The following FAM174B variants were observed in gnomAD, a reference collection of about 807,000 sequenced individuals.
FAM174B encodes membrane protein FAM174B.
Under a neutral mutation model 10.9 loss-of-function variants are expected in FAM174B, and 12 were observed. That is an observed-to-expected ratio of 1.10 (90% CI 0.71 to 1.79). The LOEUF (loss-of-function observed/expected upper bound fraction) is 1.79. Ranked by LOEUF, FAM174B falls within the 40% of genes most tolerant of loss-of-function variation. The pLI, the probability that FAM174B is intolerant of heterozygous loss-of-function variation, is 0.00. For missense variants in FAM174B, 266 were observed against 233.3 expected (o/e 1.14, Z -0.91); for synonymous variants, 132 against 115.8 (o/e 1.14, Z -0.90).
chr15:92,624,758 C>G (rs11074084), intron 2 of FAM174B, among the ~76,000 whole-genome samples: 82,190 of 152,122 alleles, frequency 0.54, 22,248 homozygotes, highest in Admixed American at 0.56. Context: ...CATAAGAAGC[C>G]GGGACAGGGA....
rs554481338 is a variant in FAM174B at position 92,652,809 on chromosome 15, G to A, written c.344+2507C>T. On this transcript the variant is annotated intron_variant, in intron 1 of 2. Transcript: ENST00000327355. ...TGCCCGCAGGCTAAGGAGTTGCAGA[G>A]GGAGAAAGGAAGGAGGGCCCCCAGC... is the stretch of plus-strand genomic sequence containing the variant. Among the ~76,000 whole-genome samples, 17 of 152,248 alleles carry A rather than the reference G, an allele frequency of 1.1e-4. No homozygotes were observed. In the South Asian group the frequency reaches 3.3e-3, roughly 30 times the overall value.
At chr15:92,631,160 TTATATAATAATTTATATATTATATTA>T (rs2050797605) in intron 1 of FAM174B, among the ~76,000 whole-genome samples, 1 of 30,418 alleles carries the variant, frequency 3.3e-5, no homozygotes, top group African/African-American at 8.2e-5. Flanking sequence ...ATATTATATA[TTATATAATAATTTATATATTATATTA>T]TATATTATAT....
intron 1 of FAM174B, 36 bp downstream of exon 1, chr15:92,655,280 G>A (rs984082456): frequency 2.7e-6 from 4 of 1,498,708 alleles, no homozygotes; most frequent in Admixed American, 2.1e-5. Flanking sequence ...CCGCCCTGTC[G>A]GCCGGCGGGG....
chr15:92,636,876 C>T lies in FAM174B; in HGVS notation c.345-6531G>A, dbSNP rs1003765888. Among the ~76,000 whole-genome samples the T allele has an allele frequency of 4.6e-4, 70 of 152,370 alleles. 1 individual carries two copies. The highest frequency in any genetic ancestry group is 1.7e-3 in the African/African-American group (69 of 41,586). ...AGCGCCAAAAAACTCTTTGCCCTCC[C>T]TCATCACACTCTGGAATGTGTCACT... On this transcript the variant is annotated intron_variant, in intron 1 of 2. Coordinates refer to ENST00000327355, the MANE Select transcript of FAM174B (RefSeq NM_207446.3).
intron 1 of FAM174B, among the ~76,000 whole-genome samples, chr15:92,644,086 TC>T (rs1167897531): frequency 6.6e-6 from 1 of 151,402 alleles, no homozygotes; most frequent in Non-Finnish European, 1.5e-5. Context: ...TAACAGAGCT[TC>T]CCCCAGAAAA....
intron 1 of FAM174B, among the ~76,000 whole-genome samples, chr15:92,633,185 A>G (rs1375263680): frequency 2.6e-5 from 4 of 152,190 alleles, no homozygotes; most frequent in Admixed American, 6.6e-5. Context: ...ACCATACGCT[A>G]TTCCCGAGTG....
At chr15:92,619,520 C>G (rs979710852) in intron 2 of FAM174B, 61 bp from the exon 3 acceptor site, 1 of 1,583,448 alleles carries the variant, frequency 6.3e-7, no homozygotes, top group South Asian at 1.2e-5. Context: ...CCCATTCTGA[C>G]CCCTCCTGAA....
At chr15:92,639,992 G>C (rs530962326) in intron 1 of FAM174B, among the ~76,000 whole-genome samples, 2 of 152,068 alleles carry the variant, frequency 1.3e-5, no homozygotes, top group East Asian at 3.9e-4. Context: ...TAGCAGAATA[G>C]AAAGTCCAGA....
chr15:92,630,226 T>C lies in FAM174B; in HGVS notation c.464A>G (p.Asp155Gly), dbSNP rs374809870. 14 of 1,613,702 alleles carry C rather than the reference T, an allele frequency of 8.7e-6. No homozygotes were observed. Among genetic ancestry groups the C allele is most frequent in the Non-Finnish European group, 1.1e-5 (13 of 1,179,826 alleles). The change falls in exon 2 of 3, where the codon GAC (aspartate) becomes GGC (glycine). Residue 155 changes from aspartate (D) to glycine (G), a missense_variant. Asp to Gly is a moderately conservative substitution (Grantham distance 94, BLOSUM62 -1). Transcript: ENST00000327355. ...CTCCACCCTGTACCTGTATTTGATG[T>C]CGAATACTGTGGAGTCCTCATCTTC... is the stretch of plus-strand genomic sequence containing the variant. ...DDEDEDSTVF[D>G]IKYR is the part of the protein sequence containing the mutation.
In FAM174B at chr15:92,619,018, C is replaced by CTCGGTGGTCG; in HGVS notation, c.*437_*438insCGACCACCGA. Reference sequence around the variant, plus strand: ...ATCAGATGGGGTCCAATGTGTAGATCCAGTAGAGAAGAATGTCGGAAATTC... The same window carrying CTCGGTGGTCG: ...ATCAGATGGGGTCCAATGTGTAGATCTCGGTGGTCGCAGTAGAGAAGAATGTCGGAAATTC... On this transcript the variant is annotated 3_prime_UTR_variant, in exon 3 of 3. Transcript: ENST00000327355. 1.0e-5 allele frequency: 6 copies of CTCGGTGGTCG among 595,198 alleles called. No individual in the cohort carries two copies. The highest frequency in any genetic ancestry group is 6.2e-5 in the South Asian group (3 of 48,012). The allele number at this position is 595,198 out of a possible 1,614,324, so 36.9% of individuals were successfully genotyped here. A position where few individuals can be genotyped will look rare whatever the true frequency, so the allele number is the denominator to read the frequency against.
At chr15:92,647,357 T>C (rs186204829) in intron 1 of FAM174B, among the ~76,000 whole-genome samples, 3 of 152,290 alleles carry the variant, frequency 2.0e-5, no homozygotes, top group Admixed American at 2.0e-4. Context: ...TACCTAGCAT[T>C]GCTTTTAATA....
intron 1 of FAM174B, among the ~76,000 whole-genome samples, chr15:92,647,019 A>G (rs555031068): frequency 3.9e-4 from 60 of 152,352 alleles, no homozygotes; most frequent in African/African-American, 1.2e-3. Context: ...TTGGCTCAGA[A>G]TAAATCTCTT....
rs1248279507 is a variant in FAM174B, at chr15:92,617,886, T to C, written c.*1570A>G. The C allele has an allele frequency of 2.4e-5, 11 of 450,496 alleles. No homozygotes were observed. The East Asian group carries it at 3.6e-4, about 15-fold the overall frequency. The allele number at this position is 450,496 out of a possible 1,614,324, so 27.9% of individuals were successfully genotyped here. A position where few individuals can be genotyped will look rare whatever the true frequency, so the allele number is the denominator to read the frequency against. ...CACGCAGGCCCCCCGTGGCTGGCAA[T>C]ACCATGCGTGCTGGGCCGGCTGCGC... On this transcript the variant is annotated 3_prime_UTR_variant, in exon 3 of 3. Coordinates refer to ENST00000327355, the MANE Select transcript of FAM174B (RefSeq NM_207446.3).
rs2050998107 is a variant in FAM174B, at chr15:92,655,519, G to A, written c.141C>T (p.Pro47=). 3.3e-6 allele frequency: 5 copies of A among 1,494,554 alleles called. No individual in the cohort carries two copies. Among genetic ancestry groups the A allele is most frequent in the African/African-American group, 1.5e-5 (1 of 68,492 alleles). The allele number at this position is 1,494,554 out of a possible 1,614,324, so 92.6% of individuals were successfully genotyped here. The change falls in exon 1 of 3, where the codon CCC becomes CCT. Residue 47 remains proline, a synonymous_variant. Transcript: ENST00000327355. ...PEPERESRPP[P]GPGPGNTTRF... ...GGGTGGTGTTCCCGGGCCCCGGGCC[G>A]GGCGGTGGCCGCGACTCGCGCTCGG...
Position 92,617,830 on chromosome 15 carries a change from AAAG to A in FAM174B, c.*1623_*1625del. 4.0e-6 allele frequency: 2 copies of A among 496,196 alleles called. No homozygotes were observed. The highest frequency in any genetic ancestry group is 7.1e-6 in the Non-Finnish European group (2 of 283,036). The allele number at this position is 496,196 out of a possible 1,614,324, so 30.7% of individuals were successfully genotyped here. A position where few individuals can be genotyped will look rare whatever the true frequency, so the allele number is the denominator to read the frequency against. ...GGGAAAACAGAGAAGGAAAGTCAACAAAGAAGGTGAAATGCAGGGAGCAGAGAC... is the reference window on the plus strand; with the variant it reads ...GGGAAAACAGAGAAGGAAAGTCAACAAAGGTGAAATGCAGGGAGCAGAGAC... On this transcript the variant is annotated 3_prime_UTR_variant, in exon 3 of 3. Coordinates refer to ENST00000327355, the MANE Select transcript of FAM174B (RefSeq NM_207446.3).
chr15:92,633,495 G>C (rs1048573750), intron 1 of FAM174B, among the ~76,000 whole-genome samples: 1 of 152,130 alleles, frequency 6.6e-6, no homozygotes, highest in African/African-American at 2.4e-5. Context: ...CAGCTGTAAA[G>C]TCTGATGATA....
At chr15:92,620,425 G>GA (rs2050711633) in intron 2 of FAM174B, among the ~76,000 whole-genome samples, 1 of 152,162 alleles carries the variant, frequency 6.6e-6, no homozygotes, top group East Asian at 1.9e-4. Context: ...GTGAACCCGG[G>GA]AGGCAGAGCT....
intron 1 of FAM174B, among the ~76,000 whole-genome samples, chr15:92,634,957 C>T (rs1337392796): frequency 2.0e-5 from 3 of 152,168 alleles, no homozygotes; most frequent in South Asian, 2.1e-4. Flanking sequence ...ACTAACACAT[C>T]GGCTCTTTGT....
chr15:92,637,945 G>GC (rs1261589578), intron 1 of FAM174B, among the ~76,000 whole-genome samples: 1 of 152,170 alleles, frequency 6.6e-6, no homozygotes, highest in African/African-American at 2.4e-5. Context: ...GCAGCCCAGT[G>GC]CCCCCACGTC....
Sources: gnomAD v4.1 joint callset for allele counts (sites outside exome capture counted in the v4.1 genomes callset) on GRCh38, gnomAD v4.1.1 for gene constraint, MANE v1.5 for transcripts, NCBI Gene and HGNC (gene_info 2026-07-23, HGNC 2026-07-21) for gene names.